Variants in NAALADL2 observed in about 807,000 individuals in gnomAD.
NAALADL2 encodes inactive N-acetylated-alpha-linked acidic dipeptidase-like protein 2.
A neutral mutation model predicts 87.2 loss-of-function variants in NAALADL2; 76 were observed. The ratio of observed to expected loss-of-function variants is 0.87; its 90% CI spans 0.72 to 1.05. The LOEUF is 1.05. Ranked by LOEUF, NAALADL2 falls within the 50% of genes least tolerant of loss-of-function variation. NAALADL2 has a pLI of 0.00. For missense variants in NAALADL2, 1,089 were observed against 945.8 expected, an observed-to-expected ratio of 1.15 and a Z score of -1.99; for synonymous variants, 354 against 331.0, an observed-to-expected ratio of 1.07 and a Z score of -0.75.
chr3:174,467,179 A>T (rs760141528), intron 1 of NAALADL2, among the ~76,000 whole-genome samples: 1 of 152,212 alleles, frequency 6.6e-6, no homozygotes, highest in East Asian at 1.9e-4. Context: ...ATTAATAGTT[A>T]TGAAAATTAC....
intron 2 of NAALADL2, among the ~76,000 whole-genome samples, chr3:174,687,712 G>T (rs1728176571): frequency 1.3e-5 from 2 of 152,130 alleles, no homozygotes; most frequent in East Asian, 3.9e-4. Context: ...GATATGGTTT[G>T]GCTGTATCCC....
intron 5 of NAALADL2, among the ~76,000 whole-genome samples, chr3:175,342,918 G>A (rs1001094526): frequency 2.0e-5 from 3 of 151,952 alleles, no homozygotes; most frequent in Non-Finnish European, 2.9e-5. Flanking sequence ...GTACCAATCA[G>A]TTACATGTGT....
chr3:175,389,714 G>A (rs1768848754), intron 5 of NAALADL2, among the ~76,000 whole-genome samples: 2 of 152,172 alleles, frequency 1.3e-5, no homozygotes, highest in African/African-American at 4.8e-5. Flanking sequence ...GACAAGTAAA[G>A]TCAACCCTTT....
At position 175,707,202 on chromosome 3, in the gene NAALADL2, G is replaced by A. The variant is rs551325078; in HGVS notation, c.1897-30104G>A. Among the ~76,000 whole-genome samples the A allele has an allele frequency of 5.3e-5, 8 of 152,174 alleles. No homozygotes were observed. In the East Asian group the frequency reaches 1.2e-3, roughly 22 times the overall value. ...TAAATATTTTGGCTTTGTGGGCCAT[G>A]TGCTATCTGTTGCAACTACTTAGCT... On this transcript the variant is annotated intron_variant, in intron 11 of 13. Coordinates refer to ENST00000454872, the MANE Select transcript of NAALADL2 (RefSeq NM_207015.3).
At chr3:175,145,316 T>A (rs1208495300) in intron 2 of NAALADL2, among the ~76,000 whole-genome samples, 1 of 152,054 alleles carries the variant, frequency 6.6e-6, no homozygotes, top group African/African-American at 2.4e-5. Context: ...TAAGTTGCTC[T>A]TCTTCTTCCA....
chr3:175,655,424 A>C (rs952231341), intron 11 of NAALADL2: 2 of 315,260 alleles, frequency 6.3e-6, no homozygotes, highest in Non-Finnish European at 1.3e-5. Context: ...ATTTAGCTGG[A>C]GTTTGCCAAA....
At position 174,932,613 on chromosome 3, in the gene NAALADL2, GC is replaced by G. The variant is rs200624120; in HGVS notation, c.43+73166del. The stretch of plus-strand genomic sequence containing the variant: ...TCCTTAGCTTCCTTCTTATTAATAA[GC>G]CCTGCTGGACCCTGGAGTGTCTTAG... On this transcript the variant is annotated intron_variant, in intron 1 of 13. Transcript: ENST00000454872. Among the ~76,000 whole-genome samples the G allele has an allele frequency of 8.3e-3, 1,261 of 152,180 alleles. 22 individuals carry two copies. The highest frequency in any genetic ancestry group is 0.029 in the African/African-American group (1,194 of 41,510).
intron 4 of NAALADL2, among the ~76,000 whole-genome samples, chr3:175,291,878 G>A (rs189005988): frequency 1.3e-5 from 2 of 151,924 alleles, no homozygotes; most frequent in African/African-American, 4.8e-5. Context: ...AAGAGGCTGA[G>A]GATAATTATT....
At chr3:175,568,340 G>A (rs751551346) in intron 9 of NAALADL2, among the ~76,000 whole-genome samples, 2 of 152,014 alleles carry the variant, frequency 1.3e-5, no homozygotes, top group Non-Finnish European at 2.9e-5. Flanking sequence ...AGAATACATG[G>A]CACACACAGT....
intron 5 of NAALADL2, among the ~76,000 whole-genome samples, chr3:175,336,146 G>C (rs1050107038): frequency 6.6e-6 from 1 of 151,490 alleles, no homozygotes; most frequent in Admixed American, 6.6e-5. Context: ...TCCACCTTCC[G>C]TTCTCTTTAA....
intron 2 of NAALADL2, among the ~76,000 whole-genome samples, chr3:175,127,983 T>C (rs1029121979): frequency 6.6e-6 from 1 of 152,202 alleles, no homozygotes; most frequent in African/African-American, 2.4e-5. Flanking sequence ...TGTATACTTT[T>C]ATGAGTTTTC....
At chr3:175,708,635 G>C (rs1253435732) in intron 11 of NAALADL2, among the ~76,000 whole-genome samples, 1 of 151,432 alleles carries the variant, frequency 6.6e-6, no homozygotes, top group Non-Finnish European at 1.5e-5. Context: ...AAATAATTTG[G>C]TGTGTTTTGA....
At position 175,445,735 on chromosome 3, in the gene NAALADL2, G is replaced by T. The variant is rs577727660; in HGVS notation, c.1091-1494G>T. Among the ~76,000 whole-genome samples the T allele has an allele frequency of 9.2e-5, 14 of 152,076 alleles. No individual in the cohort carries two copies. In the South Asian group the frequency reaches 2.3e-3, roughly 25 times the overall value. ...TTAAATTTCTTCTTGCACAACTTTT[G>T]GTCCCTTTAAGCTAATAATTGTCTC... On this transcript the variant is annotated intron_variant, in intron 5 of 13. Transcript: ENST00000454872.
chr3:175,357,096 A>C (rs975950618), intron 5 of NAALADL2, among the ~76,000 whole-genome samples: 3 of 152,142 alleles, frequency 2.0e-5, no homozygotes, highest in African/African-American at 7.2e-5. Flanking sequence ...AAAGTGCAAA[A>C]TCATCCTTTA....
intron 2 of NAALADL2, among the ~76,000 whole-genome samples, chr3:174,671,929 G>GTGATGATGA (rs57931413): frequency 0.33 from 49,599 of 150,274 alleles, 9,640 homozygotes; most frequent in Non-Finnish European, 0.45. Flanking sequence ...GTTAACTACT[G>GTGATGATGA]TGATGATGAT....
intron 11 of NAALADL2, among the ~76,000 whole-genome samples, chr3:175,689,695 A>G (rs766785887): frequency 4.6e-5 from 7 of 152,096 alleles, no homozygotes; most frequent in Non-Finnish European, 8.8e-5. Context: ...CTTCTTGGTA[A>G]GGAGAGTTGC....
chr3:175,509,653 T>G (rs1178489081), intron 9 of NAALADL2, among the ~76,000 whole-genome samples: 1 of 152,186 alleles, frequency 6.6e-6, no homozygotes, highest in Non-Finnish European at 1.5e-5. Context: ...TTAAATGAAT[T>G]AATTAATAAG....
intron 9 of NAALADL2, among the ~76,000 whole-genome samples, chr3:175,490,564 T>C (rs1727920700): frequency 6.6e-6 from 1 of 151,234 alleles, no homozygotes; most frequent in African/African-American, 2.4e-5. Context: ...TTTTTTTTTT[T>C]TTTTGTATTT....
intron 5 of NAALADL2, among the ~76,000 whole-genome samples, chr3:175,370,635 A>G (rs1402870179): frequency 1.3e-5 from 2 of 152,138 alleles, no homozygotes; most frequent in African/African-American, 4.8e-5. Context: ...TAGCTTTGAG[A>G]GGTCCTTTAG....
Sources: gnomAD v4.1 joint callset for allele counts (sites outside exome capture counted in the v4.1 genomes callset) on GRCh38, gnomAD v4.1.1 for gene constraint, MANE v1.5 for transcripts, NCBI Gene and HGNC (gene_info 2026-07-23, HGNC 2026-07-21) for gene names.